The following NEDD4L variants were observed in gnomAD, a reference collection of about 807,000 sequenced individuals.
The protein encoded by NEDD4L is E3 ubiquitin-protein ligase NEDD4-like.
A neutral mutation model predicts 148.9 loss-of-function variants in NEDD4L; 54 were observed. The observed-to-expected ratio is 0.36, with a 90% CI of 0.29 to 0.45. The LOEUF (loss-of-function observed/expected upper bound fraction) is 0.45. Ranked by LOEUF, NEDD4L falls within the 20% of genes least tolerant of loss-of-function variation. The probability of loss-of-function intolerance (pLI) is 1.00; values close to 1 mark genes in which losing one functional copy is unlikely to be tolerated. For synonymous variants in NEDD4L, 433 were observed against 440.7 expected (o/e 0.98, Z 0.22); for missense variants, 856 against 1,233.8 (o/e 0.69, Z 4.59).
intron 1 of NEDD4L, among the ~76,000 whole-genome samples, chr18:58,073,545 C>A (rs1381425556): frequency 6.6e-6 from 1 of 152,196 alleles, no homozygotes; most frequent in Non-Finnish European, 1.5e-5. Flanking sequence ...GCCATTAAAC[C>A]ACTAAGCTCA....
chr18:58,189,162 T>C (rs1021888909), intron 2 of NEDD4L, among the ~76,000 whole-genome samples: 48 of 152,198 alleles, frequency 3.2e-4, no homozygotes, highest in African/African-American at 1.2e-3. Context: ...TTTTAGACTT[T>C]ATAAAGCCCA....
chr18:58,071,725 A>G (rs1321276364), intron 1 of NEDD4L, among the ~76,000 whole-genome samples: 1 of 152,240 alleles, frequency 6.6e-6, no homozygotes, highest in African/African-American at 2.4e-5. Flanking sequence ...ATTGACTTAC[A>G]GTTCCACATG....
At chr18:58,343,773 T>C (rs1049570213) in intron 16 of NEDD4L, among the ~76,000 whole-genome samples, 1 of 152,198 alleles carries the variant, frequency 6.6e-6, no homozygotes, top group Non-Finnish European at 1.5e-5. Flanking sequence ...CAAAGGCAAA[T>C]ATGCATATCT....
At chr18:58,326,194 C>T (rs1173156713) in intron 9 of NEDD4L, among the ~76,000 whole-genome samples, 1 of 152,092 alleles carries the variant, frequency 6.6e-6, no homozygotes, top group Non-Finnish European at 1.5e-5. Context: ...GTTTTCTGGT[C>T]TAGGTTTTGT....
chr18:58,240,550 G>C (rs143150569), intron 2 of NEDD4L, among the ~76,000 whole-genome samples: 2,325 of 152,288 alleles, frequency 0.015, 20 homozygotes, highest in Non-Finnish European at 0.022. Context: ...GAGACCTGGA[G>C]TTGGCATGGA....
rs2048899967 is a variant in NEDD4L, at chr18:58,385,557, G to A, written c.2458G>A (p.Val820Ile). 6.2e-7 allele frequency: 1 copy of A among 1,613,812 alleles called. No homozygotes were observed. The highest frequency in any genetic ancestry group is 1.3e-5 in the African/African-American group (1 of 74,924). ...CATCCAGTGGAGATTTGTGAACAGG[G>A]TCCAGAAGCAGATGAACGCCTTCTT... ...LVIQWRFVNR[V>I]QKQMNAFLEG... Residue 820 changes from valine to isoleucine, a missense_variant, in exon 26 of 31, where the codon GTC becomes ATC. Physicochemically the swap from Val to Ile is conservative, Grantham distance 29 (BLOSUM62 3). Transcript: ENST00000400345.
In NEDD4L at chr18:58,183,254, C is replaced by T. The variant is rs553871429; in HGVS notation, c.122+17393C>T. ...GTCCAGCCCAGAGCCACTGGGCCACCCTATAAATAAGTTCCTCCAAATAAA... is the reference window on the plus strand; with the variant it reads ...GTCCAGCCCAGAGCCACTGGGCCACTCTATAAATAAGTTCCTCCAAATAAA... On this transcript the variant is annotated intron_variant, in intron 2 of 30. Transcript: ENST00000400345. 3.9e-5 allele frequency among the ~76,000 whole-genome samples: 6 copies of T among 152,332 alleles called. No homozygotes were observed. In the South Asian group the frequency reaches 1.2e-3, roughly 32 times the overall value.
intron 2 of NEDD4L, among the ~76,000 whole-genome samples, chr18:58,177,626 C>T (rs1433468824): frequency 6.6e-6 from 1 of 152,176 alleles, no homozygotes; most frequent in Non-Finnish European, 1.5e-5. Flanking sequence ...TTGGGGCCTC[C>T]TATGCATCTG....
chr18:58,133,137 C>A (rs1406788306), intron 1 of NEDD4L, among the ~76,000 whole-genome samples: 1 of 152,202 alleles, frequency 6.6e-6, no homozygotes, highest in African/African-American at 2.4e-5. Context: ...TGTGTAACAG[C>A]TGGGAATTGG....
chr18:58,095,541 G>A (rs1257968266), intron 1 of NEDD4L, among the ~76,000 whole-genome samples: 3 of 152,128 alleles, frequency 2.0e-5, no homozygotes, highest in African/African-American at 7.2e-5. Context: ...CTCAGTCGGG[G>A]CCAAAGGGCA....
At chr18:58,286,575 T>C (rs2053936831) in intron 5 of NEDD4L, among the ~76,000 whole-genome samples, 2 of 152,152 alleles carry the variant, frequency 1.3e-5, no homozygotes, top group South Asian at 4.1e-4. Flanking sequence ...TTTATCATGT[T>C]GATAAAATGG....
At chr18:58,367,679 C>T in intron 21 of NEDD4L, 67 bp from the exon 22 acceptor site, 1 of 1,583,634 alleles carries the variant, frequency 6.3e-7, no homozygotes, top group East Asian at 2.2e-5. Context: ...TGACAGGTGG[C>T]AAACAAATAT....
Position 58,345,359 on chromosome 18 carries a change from A to C in NEDD4L, c.1575+2256A>C, listed in dbSNP as rs185017400. Among the ~76,000 whole-genome samples, 11 of 152,366 alleles carry C rather than the reference A, an allele frequency of 7.2e-5. 1 individual carries two copies. Among genetic ancestry groups the C allele is most frequent in the Admixed American group, 7.2e-4 (11 of 15,302 alleles). ...GATGAAGAGCCGGAGGGAAGCATGA[A>C]GATAATTTGCAACTTAAAAATCTGT... On this transcript the variant is annotated intron_variant, in intron 16 of 30. Coordinates refer to ENST00000400345, the MANE Select transcript of NEDD4L (RefSeq NM_001144967.3).
rs138958077 is a variant in NEDD4L, at chr18:58,241,733, T to G, written c.123-3694T>G. Among the ~76,000 whole-genome samples the G allele has an allele frequency of 3.8e-3, 585 of 152,058 alleles. 12 individuals carry two copies. The highest frequency in any genetic ancestry group is 0.012 in the African/African-American group (505 of 41,326). ...AACTGGATAGGGACAGTGTCTTTTGTTTCTGGAACCTGTCTCTTTTCTTGG... is the reference window on the plus strand; with the variant it reads ...AACTGGATAGGGACAGTGTCTTTTGGTTCTGGAACCTGTCTCTTTTCTTGG... On this transcript the variant is annotated intron_variant, in intron 2 of 30. Coordinates refer to ENST00000400345, the MANE Select transcript of NEDD4L (RefSeq NM_001144967.3).
Position 58,092,818 on chromosome 18 carries a change from C to CAA in NEDD4L, c.48+48125_48+48126dup, listed in dbSNP as rs56749032. ...AAAGGTAAAATTCTCTCCCTGGTACCAAAAAAAAAAAAAAAATCCATGTAC... is the reference window on the plus strand; with the variant it reads ...AAAGGTAAAATTCTCTCCCTGGTACCAAAAAAAAAAAAAAAAAATCCATGTAC... On this transcript the variant is annotated intron_variant, in intron 1 of 30. Transcript: ENST00000400345. Among the ~76,000 whole-genome samples, 338 of 112,628 alleles carry CAA rather than the reference C, an allele frequency of 3.0e-3. 3 individuals carry two copies. The highest frequency in any genetic ancestry group is 9.1e-3 in the African/African-American group (300 of 32,946). The allele number at this position is 112,628 out of a possible 152,430, so 73.9% of individuals were successfully genotyped here.
intron 13 of NEDD4L, chr18:58,335,806 T>G: frequency 5.9e-6 from 2 of 336,964 alleles, no homozygotes; most frequent in South Asian, 7.6e-5. Flanking sequence ...TTAGAAGATA[T>G]TTTTGACTTT....
At chr18:58,273,159 A>G (rs1391090718) in intron 5 of NEDD4L, among the ~76,000 whole-genome samples, 2 of 152,238 alleles carry the variant, frequency 1.3e-5, no homozygotes, top group Non-Finnish European at 2.9e-5. Context: ...TGGAGGAGAC[A>G]GTGGTCCAGG....
chr18:58,234,097 C>CTTTCTTTCTTTCTTTCTTTTCTTTTCT (rs1483373337), intron 2 of NEDD4L, among the ~76,000 whole-genome samples: 2 of 83,396 alleles, frequency 2.4e-5, no homozygotes, highest in African/African-American at 1.2e-4. Flanking sequence ...TTCTTTCTTT[C>CTTTCTTTCTTTCTTTCTTTTCTTTTCT]TTTCTTTTCT....
At position 58,054,235 on chromosome 18, in the gene NEDD4L, G is replaced by C. The variant is rs138355600; in HGVS notation, c.48+9527G>C. Among the ~76,000 whole-genome samples, 197 of 152,344 alleles carry C rather than the reference G, an allele frequency of 1.3e-3. 1 individual carries two copies. The highest frequency in any genetic ancestry group is 4.5e-3 in the African/African-American group (189 of 41,578). On this transcript the variant is annotated intron_variant, in intron 1 of 30. Coordinates refer to ENST00000400345, the MANE Select transcript of NEDD4L (RefSeq NM_001144967.3). ...GTGTTTGTGTCCCACAGCGTGACAG[G>C]CTCCACAAACTTACTTACGAATCTC...
Sources: allele counts gnomAD v4.1 joint callset (sites outside exome capture counted in the v4.1 genomes callset), GRCh38; gene constraint gnomAD v4.1.1; transcripts MANE v1.5; gene names NCBI Gene and HGNC (gene_info 2026-07-23, HGNC 2026-07-21).